Variants in RARS2 observed in about 807,000 individuals in gnomAD.
The protein encoded by RARS2 is probable arginine--tRNA ligase, mitochondrial.
Under a neutral mutation model 88.5 loss-of-function variants are expected in RARS2, and 67 were observed. That is an observed-to-expected ratio of 0.76 (90% confidence interval 0.62 to 0.93). The LOEUF (loss-of-function observed/expected upper bound fraction) is 0.93. Among genes scored for constraint, RARS2 ranks in the 40% least tolerant of loss-of-function variants. The probability of loss-of-function intolerance (pLI) is 0.00; values close to 1 mark genes in which losing one functional copy is unlikely to be tolerated. For synonymous variants in RARS2, 239 were observed against 230.3 expected, an observed-to-expected ratio of 1.04 and a Z score of -0.34; for missense variants, 664 against 684.2, an observed-to-expected ratio of 0.97 and a Z score of 0.33.
intron 1 of RARS2, among the ~76,000 whole-genome samples, chr6:87,575,916 G>A (rs1257939386): frequency 3.3e-5 from 5 of 151,360 alleles, no homozygotes; most frequent in African/African-American, 7.3e-5. Flanking sequence ...TGGGTTCAAG[G>A]AATTCTCCTG....
intron 5 of RARS2, among the ~76,000 whole-genome samples, chr6:87,554,329 C>A (rs181608813): frequency 2.0e-5 from 3 of 152,240 alleles, no homozygotes; most frequent in Admixed American, 2.0e-4. Context: ...GACAGTTATA[C>A]TGACAGCACG....
intron 16 of RARS2, 131 bp downstream of exon 16, chr6:87,518,499 G>A (rs990991439): frequency 7.9e-7 from 1 of 1,257,924 alleles, no homozygotes; most frequent in East Asian, 2.5e-5. Flanking sequence ...CTAAAAGAAG[G>A]TCTACTCTAG....
chr6:87,514,907 A>T, intron 19 of RARS2, 50 bp downstream of exon 19: 1 of 1,440,470 alleles, frequency 6.9e-7, no homozygotes, highest in Non-Finnish European at 9.8e-7. Flanking sequence ...ACTTAGTAAT[A>T]TTAGTCTCAG....
intron 14 of RARS2, chr6:87,519,165 TATATATATATAA>T: frequency 5.0e-6 from 1 of 200,498 alleles, no homozygotes; most frequent in East Asian, 1.1e-4. Context: ...TGTATGTGTG[TATATATATATAA>T]ATATATATGT....
At chr6:87,546,254 C>G (rs1255929699) in intron 6 of RARS2, among the ~76,000 whole-genome samples, 1 of 152,154 alleles carries the variant, frequency 6.6e-6, no homozygotes, top group Non-Finnish European at 1.5e-5. Flanking sequence ...CTTGGGTGCC[C>G]TCATCTACTG....
At chr6:87,588,300 A>G (rs1435293156) in intron 1 of RARS2, among the ~76,000 whole-genome samples, 1 of 152,144 alleles carries the variant, frequency 6.6e-6, no homozygotes, top group Non-Finnish European at 1.5e-5. Context: ...GTTCTAGAAG[A>G]CTTCTGCCCA....
intron 4 of RARS2, among the ~76,000 whole-genome samples, chr6:87,555,939 G>A (rs558659196): frequency 5.9e-5 from 9 of 152,254 alleles, no homozygotes; most frequent in Middle Eastern, 3.4e-3. Context: ...TACTCCTCAC[G>A]ACAGCCATAG....
chr6:87,528,801 T>C (rs1328662033), intron 10 of RARS2, among the ~76,000 whole-genome samples: 4 of 152,218 alleles, frequency 2.6e-5, no homozygotes, highest in Admixed American at 6.5e-5. Flanking sequence ...GGAGATCTAT[T>C]GTACAGCATT....
intron 7 of RARS2, among the ~76,000 whole-genome samples, chr6:87,542,649 TA>T (rs201517971): frequency 5.8e-4 from 65 of 111,736 alleles, no homozygotes; most frequent in Non-Finnish European, 5.7e-4. Flanking sequence ...AATTTGAACC[TA>T]AAAAAAAAAA....
At chr6:87,545,770 T>C in intron 6 of RARS2, 71 bp from the exon 7 acceptor site, 4 of 1,524,548 alleles carry the variant, frequency 2.6e-6, no homozygotes, top group Non-Finnish European at 3.6e-6. Context: ...CATGTACTTC[T>C]CTATTATCAA....
chr6:87,518,908 C>A lies in RARS2; in HGVS notation c.1238-17G>T, dbSNP rs749385331. 5 of 1,612,684 alleles carry A rather than the reference C, an allele frequency of 3.1e-6. No individual in the cohort carries two copies. The African/African-American group carries it at 5.3e-5, about 17-fold the overall frequency. On this transcript the variant is annotated splice_polypyrimidine_tract_variant and intron_variant, in intron 14 of 19. Coordinates refer to ENST00000369536, the MANE Select transcript of RARS2 (RefSeq NM_020320.5). The stretch of plus-strand genomic sequence containing the variant: ...CTTTAGTTGCTGAAACAGACAAAGG[C>A]AGCTATCTTTAGTCTACATGACACT...
At position 87,520,201 on chromosome 6, in the gene RARS2, A is replaced by G; in HGVS notation, c.1091T>C (p.Met364Thr). ...TTACCTTTCTGCCCAGTCATATCCC[A>G]TGATCTTCAGCATTTGGAATACTTG... ...FQQVFQMLKI[M>T]GYDWAERCQH... is the part of the protein sequence containing the mutation. The change falls in exon 13 of 20, where the codon ATG becomes ACG. Residue 364 changes from methionine (M) to threonine (T), a missense_variant. By Grantham distance (81) the Met-to-Thr change is moderately conservative. Transcript: ENST00000369536. The G allele has an allele frequency of 6.2e-7, 1 of 1,613,572 alleles. No homozygotes were observed.
At position 87,589,921 on chromosome 6, in the gene RARS2, C is replaced by A; in HGVS notation, c.36+1G>T. 6.2e-7 allele frequency: 1 copy of A among 1,614,240 alleles called. No homozygotes were observed. The highest frequency in any genetic ancestry group is 8.5e-7 in the Non-Finnish European group (1 of 1,180,048). On this transcript the variant is annotated splice_donor_variant, in intron 1 of 19. Transcript: ENST00000369536. LOFTEE classifies it high-confidence loss of function. ...TCCTCTGCGCGCTCCGGGATCCATA[C>A]CTGGCAAGCAATAGCGCGGCGAAAG...
chr6:87,522,208 T>C (rs967396747), intron 11 of RARS2, among the ~76,000 whole-genome samples: 2 of 152,044 alleles, frequency 1.3e-5, no homozygotes, highest in African/African-American at 4.8e-5. Context: ...CGCACGCCTG[T>C]AATCCCAGCT....
intron 5 of RARS2, 52 bp downstream of exon 5, chr6:87,555,356 C>A: frequency 7.2e-7 from 1 of 1,389,772 alleles, no homozygotes; most frequent in African/African-American, 1.4e-5. Context: ...TAATAACACT[C>A]CTCTGCCCAG....
At chr6:87,568,942 C>T (rs1237315747) in intron 2 of RARS2, among the ~76,000 whole-genome samples, 1 of 152,142 alleles carries the variant, frequency 6.6e-6, no homozygotes, top group African/African-American at 2.4e-5. Flanking sequence ...AAGTTTTCTA[C>T]CCAAATCGTA....
chr6:87,548,336 GA>G (rs1783240674), intron 6 of RARS2, among the ~76,000 whole-genome samples: 1 of 152,082 alleles, frequency 6.6e-6, no homozygotes, highest in Non-Finnish European at 1.5e-5. Context: ...CTTATTTTTA[GA>G]AAGTTAAAAA....
At chr6:87,532,785 A>G (rs551232688) in intron 8 of RARS2, among the ~76,000 whole-genome samples, 2 of 152,320 alleles carry the variant, frequency 1.3e-5, no homozygotes, top group African/African-American at 4.8e-5. Flanking sequence ...GACACATCAT[A>G]AAAAGGTGAT....
chr6:87,549,199 AC>A lies in RARS2; in HGVS notation c.396-554del, dbSNP rs1460238521. The stretch of plus-strand genomic sequence containing the variant: ...GTGAAACCCTGATTCTACTAAAAAT[AC>A]AAAAAATTAGCGAGGTGTGGTGGTG... On this transcript the variant is annotated intron_variant, in intron 5 of 19. Transcript: ENST00000369536. Among the ~76,000 whole-genome samples, 9 of 152,018 alleles carry A rather than the reference AC, an allele frequency of 5.9e-5. No individual in the cohort carries two copies. In the East Asian group the frequency reaches 1.7e-3, roughly 29 times the overall value.
Sources: allele counts gnomAD v4.1 joint callset (sites outside exome capture counted in the v4.1 genomes callset), GRCh38; gene constraint gnomAD v4.1.1; transcripts MANE v1.5; gene names NCBI Gene and HGNC (gene_info 2026-07-23, HGNC 2026-07-21).